DPP10: variants seen among roughly 807,000 people sequenced by gnomAD.
DPP10 encodes the protein dipeptidyl peptidase like 10, also known as inactive dipeptidyl peptidase 10.
Under a neutral mutation model 120.9 loss-of-function variants are expected in DPP10, and 33 were observed. That is an observed-to-expected ratio of 0.27 (90% CI 0.21 to 0.37). The LOEUF (loss-of-function observed/expected upper bound fraction) is 0.37, where lower values mean the gene tolerates loss of function less well. Among genes scored for constraint, DPP10 ranks in the 10% least tolerant of loss-of-function variants. The pLI, the probability that DPP10 is intolerant of heterozygous loss-of-function variation, is 1.00. For synonymous variants in DPP10, 337 were observed against 326.1 expected, an observed-to-expected ratio of 1.03 and a Z score of -0.36; for missense variants, 816 against 942.8, an observed-to-expected ratio of 0.87 and a Z score of 1.76.
intron 1 of DPP10, among the ~76,000 whole-genome samples, chr2:114,644,342 C>CTGTG (rs370038985): frequency 1.8e-4 from 26 of 143,304 alleles, no homozygotes; most frequent in Admixed American, 1.2e-3. Flanking sequence ...CTGTGTGTGT[C>CTGTG]TGTGTGTGTG....
In DPP10 at chr2:115,285,391, G is replaced by A. The variant is rs1235978729; in HGVS notation, c.61-23848G>A. ...CCGGTAATAATGAACGTAAAATAGG[G>A]AAGAAAAGACAGAGTATACTGGGAT... On this transcript the variant is annotated intron_variant, in intron 1 of 25. Transcript: ENST00000410059. Among the ~76,000 whole-genome samples the A allele has an allele frequency of 2.0e-5, 3 of 151,976 alleles. No individual in the cohort carries two copies. The South Asian group carries it at 6.2e-4, about 32-fold the overall frequency.
intron 1 of DPP10, among the ~76,000 whole-genome samples, chr2:114,961,778 A>G (rs948545879): frequency 1.4e-4 from 22 of 151,930 alleles, no homozygotes; most frequent in Non-Finnish European, 1.0e-4. Context: ...ACATGGTGAA[A>G]CCCTGTCTGG....
At chr2:115,366,729 C>T (rs987598136) in intron 3 of DPP10, among the ~76,000 whole-genome samples, 4 of 152,054 alleles carry the variant, frequency 2.6e-5, no homozygotes, top group African/African-American at 9.7e-5. Flanking sequence ...CACACATCCA[C>T]AGGTGCAGTT....
At chr2:115,442,989 G>A (rs1426278432) in intron 3 of DPP10, among the ~76,000 whole-genome samples, 2 of 151,840 alleles carry the variant, frequency 1.3e-5, no homozygotes, top group Non-Finnish European at 2.9e-5. Flanking sequence ...TGAGGCTATT[G>A]GTCTATATTG....
intron 20 of DPP10, 39 bp downstream of exon 20, chr2:115,815,026 T>C: frequency 6.4e-7 from 1 of 1,550,452 alleles, no homozygotes; most frequent in Non-Finnish European, 8.8e-7. Flanking sequence ...TTTTCTATAA[T>C]GACAGAGTCT....
At chr2:114,503,171 T>C (rs1310009242) in intron 1 of DPP10, among the ~76,000 whole-genome samples, 4 of 152,206 alleles carry the variant, frequency 2.6e-5, no homozygotes, top group Non-Finnish European at 5.9e-5. Flanking sequence ...CATGCACAGA[T>C]GCTCTAAGTG....
intron 1 of DPP10, among the ~76,000 whole-genome samples, chr2:115,124,243 G>A (rs1261273169): frequency 6.6e-6 from 1 of 152,118 alleles, no homozygotes; most frequent in Admixed American, 6.6e-5. Context: ...TGCTCAGCCT[G>A]ACTATGCCCT....
intron 1 of DPP10, among the ~76,000 whole-genome samples, chr2:115,142,344 A>G (rs1307651496): frequency 6.6e-6 from 1 of 152,168 alleles, no homozygotes; most frequent in Non-Finnish European, 1.5e-5. Context: ...ATACAGGAAA[A>G]GCCTCTGTTT....
At chr2:114,860,380 T>A (rs1316484727) in intron 1 of DPP10, among the ~76,000 whole-genome samples, 1 of 152,230 alleles carries the variant, frequency 6.6e-6, no homozygotes, top group Non-Finnish European at 1.5e-5. Flanking sequence ...CTCCATGGCA[T>A]CATTTTAAAA....
intron 1 of DPP10, among the ~76,000 whole-genome samples, chr2:114,740,122 G>A (rs961180406): frequency 2.6e-5 from 4 of 150,994 alleles, no homozygotes; most frequent in African/African-American, 9.8e-5. Flanking sequence ...GTCCAACAAT[G>A]ATAGACTGGA....
At chr2:115,819,472 T>C (rs1204673593) in intron 21 of DPP10, among the ~76,000 whole-genome samples, 3 of 152,154 alleles carry the variant, frequency 2.0e-5, no homozygotes, top group African/African-American at 4.8e-5. Flanking sequence ...TTTGCACTCA[T>C]GTTCTTCCTT....
chr2:114,893,088 T>C (rs993668378), intron 1 of DPP10, among the ~76,000 whole-genome samples: 6 of 152,202 alleles, frequency 3.9e-5, no homozygotes, highest in African/African-American at 1.2e-4. Flanking sequence ...TCAAATGTTT[T>C]ATATTCTAAA....
intron 1 of DPP10, among the ~76,000 whole-genome samples, chr2:114,582,108 G>T (rs1690574577): frequency 6.6e-6 from 1 of 152,106 alleles, no homozygotes; most frequent in Non-Finnish European, 1.5e-5. Context: ...TCTGCACTCT[G>T]CCTATTTATC....
chr2:115,065,658 T>A (rs1706772589), intron 1 of DPP10: 1 of 152,056 alleles, frequency 6.6e-6, no homozygotes, highest in Non-Finnish European at 1.5e-5. Context: ...GTAGTCATTC[T>A]TACCAGTAGT....
At chr2:114,750,373 G>A (rs577049638) in intron 1 of DPP10, among the ~76,000 whole-genome samples, 4 of 150,816 alleles carry the variant, frequency 2.7e-5, no homozygotes, top group African/African-American at 7.3e-5. Flanking sequence ...TTGCTGTGTC[G>A]CCCAGGCTGG....
intron 1 of DPP10, among the ~76,000 whole-genome samples, chr2:114,505,327 A>T (rs1308793701): frequency 6.6e-6 from 1 of 152,104 alleles, no homozygotes; most frequent in East Asian, 1.9e-4. Flanking sequence ...GGGGAAAACT[A>T]GTAGAAGATA....
rs1181441049 is a variant in DPP10, at chr2:114,748,345, T to A, written c.60+305507T>A. On this transcript the variant is annotated intron_variant, in intron 1 of 25. Coordinates refer to ENST00000410059, the MANE Select transcript of DPP10 (RefSeq NM_020868.6). ...TAGGACAAAGGGAATTTTCTTTTTT[T>A]TTTTTATTTTTTTTTATTTTATTTA... Among the ~76,000 whole-genome samples the A allele has an allele frequency of 3.1e-5, 4 of 130,742 alleles. No homozygotes were observed. The South Asian group carries it at 9.7e-4, about 32-fold the overall frequency. The allele number at this position is 130,742 out of a possible 152,430, so 85.8% of individuals were successfully genotyped here.
chr2:115,496,512 G>T (rs2076402947), intron 3 of DPP10, among the ~76,000 whole-genome samples: 1 of 152,080 alleles, frequency 6.6e-6, no homozygotes. Context: ...AAATCATGAT[G>T]AATTTTCTTT....
chr2:114,766,212 C>T (rs980874359), intron 1 of DPP10, among the ~76,000 whole-genome samples: 4 of 151,862 alleles, frequency 2.6e-5, no homozygotes, highest in African/African-American at 9.7e-5. Context: ...TCTCAGAAAC[C>T]ATCATCACTG....
Sources: allele counts gnomAD v4.1 joint callset (sites outside exome capture counted in the v4.1 genomes callset), GRCh38; gene constraint gnomAD v4.1.1; transcripts MANE v1.5; gene names NCBI Gene and HGNC (gene_info 2026-07-23, HGNC 2026-07-21).